PHKB: variants seen among roughly 807,000 people sequenced by gnomAD.
PHKB encodes the protein phosphorylase kinase regulatory subunit beta, also known as phosphorylase b kinase regulatory subunit beta.
PHKB carries 122 observed loss-of-function variants against 152.1 expected under a neutral mutation model. That is an observed-to-expected ratio of 0.80 (90% CI 0.69 to 0.93). The LOEUF is 0.93. PHKB is among the 40% of genes least tolerant of loss of function. PHKB has a pLI of 0.00. For missense variants in PHKB, 1,304 were observed against 1,328.4 expected, an observed-to-expected ratio of 0.98 and a Z score of 0.29; for synonymous variants, 436 against 464.9, an observed-to-expected ratio of 0.94 and a Z score of 0.80.
chr16:47,607,046 A>G (rs1222363191), intron 13 of PHKB, among the ~76,000 whole-genome samples: 1 of 152,192 alleles, frequency 6.6e-6, no homozygotes, highest in East Asian at 1.9e-4. Context: ...AATCTCTTTT[A>G]GAATTTTGTA....
intron 27 of PHKB, among the ~76,000 whole-genome samples, chr16:47,691,046 C>T (rs902615637): frequency 2.0e-5 from 3 of 151,954 alleles, no homozygotes; most frequent in Non-Finnish European, 4.4e-5. Context: ...ATTCTGAGAC[C>T]CCATCTCTAT....
chr16:47,639,364 G>C (rs1217980740), intron 14 of PHKB, among the ~76,000 whole-genome samples: 1 of 152,242 alleles, frequency 6.6e-6, no homozygotes, highest in African/African-American at 2.4e-5. Flanking sequence ...AACTTTGGCA[G>C]TGAAAGGAAG....
At chr16:47,513,285 A>G (rs1056211527) in intron 5 of PHKB, among the ~76,000 whole-genome samples, 3 of 152,196 alleles carry the variant, frequency 2.0e-5, no homozygotes, top group African/African-American at 7.2e-5. Flanking sequence ...AAGGCTGCCC[A>G]TAGGAGTGAA....
chr16:47,663,860 C>T (rs2151738287), intron 24 of PHKB, 126 bp downstream of exon 24: 4 of 715,178 alleles, frequency 5.6e-6, no homozygotes, highest in South Asian at 1.5e-5. Context: ...TCCAAGGTTA[C>T]AGCACTTTCT....
At chr16:47,553,127 T>C (rs1299853838) in intron 7 of PHKB, among the ~76,000 whole-genome samples, 1 of 152,112 alleles carries the variant, frequency 6.6e-6, no homozygotes, top group Non-Finnish European at 1.5e-5. Context: ...TCGAAGAGTG[T>C]TTTCCAGCCT....
chr16:47,463,265 T>C (rs191913015), intron 1 of PHKB: 12 of 152,792 alleles, frequency 7.9e-5, no homozygotes, highest in African/African-American at 2.6e-4. Context: ...AAAAAAATTC[T>C]AGTGTTAACT....
chr16:47,513,369 A>G (rs1970542531), intron 5 of PHKB, among the ~76,000 whole-genome samples: 1 of 152,196 alleles, frequency 6.6e-6, no homozygotes, highest in Non-Finnish European at 1.5e-5. Flanking sequence ...TGGCAGTGGG[A>G]TGAAACCCTT....
intron 7 of PHKB, among the ~76,000 whole-genome samples, chr16:47,575,802 TGTG>T (rs1971738505): frequency 6.6e-6 from 1 of 152,020 alleles, no homozygotes; most frequent in Admixed American, 6.6e-5. Context: ...CCAGGCCTGA[TGTG>T]GTGGCTAATG....
At chr16:47,567,148 A>G (rs1429615072) in intron 7 of PHKB, among the ~76,000 whole-genome samples, 2 of 151,998 alleles carry the variant, frequency 1.3e-5, no homozygotes, top group East Asian at 3.9e-4. Context: ...TAGTATTTTG[A>G]TAGGAGTTGC....
chr16:47,524,814 T>G (rs1430532925), intron 6 of PHKB, among the ~76,000 whole-genome samples: 1 of 152,240 alleles, frequency 6.6e-6, no homozygotes, highest in Admixed American at 6.5e-5. Flanking sequence ...GTTCTGAAAT[T>G]CCTTCATTCA....
chr16:47,695,927 T>A (rs1974139218), intron 28 of PHKB, among the ~76,000 whole-genome samples: 1 of 152,218 alleles, frequency 6.6e-6, no homozygotes. Flanking sequence ...CATAATATTG[T>A]TTTTGCTTGT....
chr16:47,636,255 A>G (rs1015134230), intron 14 of PHKB, among the ~76,000 whole-genome samples: 1 of 152,254 alleles, frequency 6.6e-6, no homozygotes, highest in African/African-American at 2.4e-5. Context: ...AAATATAAAC[A>G]TGGAAGCATC....
chr16:47,545,227 G>A (rs935004554), intron 6 of PHKB, among the ~76,000 whole-genome samples: 1 of 151,958 alleles, frequency 6.6e-6, no homozygotes, highest in African/African-American at 2.4e-5. Context: ...GGAGTGGCTT[G>A]TACTGGTTGT....
intron 1 of PHKB, among the ~76,000 whole-genome samples, chr16:47,490,407 ATATACT>A (rs763282652): frequency 6.6e-6 from 1 of 152,248 alleles, no homozygotes; most frequent in Non-Finnish European, 1.5e-5. Flanking sequence ...GTTTGCTAAC[ATATACT>A]TAGACATTAA....
chr16:47,477,822 A>G (rs981624504), intron 1 of PHKB, among the ~76,000 whole-genome samples: 2 of 152,176 alleles, frequency 1.3e-5, no homozygotes, highest in African/African-American at 4.8e-5. Flanking sequence ...ATTCATCTAC[A>G]TTGTAATCCA....
intron 4 of PHKB, among the ~76,000 whole-genome samples, chr16:47,508,826 C>T (rs1970462165): frequency 6.6e-6 from 1 of 152,146 alleles, no homozygotes; most frequent in African/African-American, 2.4e-5. Context: ...AATTGACATA[C>T]AGCATGCCCC....
intron 6 of PHKB, among the ~76,000 whole-genome samples, chr16:47,546,072 A>G (rs1015098202): frequency 3.3e-5 from 5 of 152,172 alleles, no homozygotes; most frequent in African/African-American, 9.7e-5. Flanking sequence ...GTTATTACCA[A>G]CTTTCTGAAG....
intron 1 of PHKB, among the ~76,000 whole-genome samples, chr16:47,482,166 G>A (rs1969974930): frequency 6.6e-6 from 1 of 152,182 alleles, no homozygotes; most frequent in African/African-American, 2.4e-5. Flanking sequence ...TTCCTTAGAC[G>A]GATTCTCAGG....
chr16:47,474,401 A>G (rs1007420287), intron 1 of PHKB, among the ~76,000 whole-genome samples: 1 of 152,208 alleles, frequency 6.6e-6, no homozygotes, highest in Admixed American at 6.5e-5. Flanking sequence ...ACTAGGAAGG[A>G]CAGACACAGA....
Sources: gnomAD v4.1 joint callset for allele counts (sites outside exome capture counted in the v4.1 genomes callset) on GRCh38, gnomAD v4.1.1 for gene constraint, MANE v1.5 for transcripts, NCBI Gene and HGNC (gene_info 2026-07-23, HGNC 2026-07-21) for gene names.